Variants in CCDC63 observed in about 807,000 individuals in gnomAD.
The protein encoded by CCDC63 is coiled-coil domain containing 63, also known as coiled-coil domain-containing protein 63.
Under a neutral mutation model 63.6 loss-of-function variants are expected in CCDC63, and 54 were observed. The observed-to-expected ratio is 0.85, with a 90% CI of 0.68 to 1.07. The LOEUF (loss-of-function observed/expected upper bound fraction) is 1.07, where lower values mean the gene tolerates loss of function less well. Ranked by LOEUF, CCDC63 falls within the 50% of genes least tolerant of loss-of-function variation. The pLI is 0.00. For synonymous variants in CCDC63, 253 were observed against 266.1 expected (o/e 0.95, Z 0.48); for missense variants, 637 against 689.6 (o/e 0.92, Z 0.86).
intron 4 of CCDC63, among the ~76,000 whole-genome samples, chr12:110,870,264 T>C (rs2071047455): frequency 6.6e-6 from 1 of 152,156 alleles, no homozygotes; most frequent in Non-Finnish European, 1.5e-5. Flanking sequence ...GTATTTCTAG[T>C]AGAGACGGGG....
chr12:110,850,519 A>C (rs1473261877), intron 1 of CCDC63, among the ~76,000 whole-genome samples: 1 of 152,226 alleles, frequency 6.6e-6, no homozygotes, highest in East Asian at 1.9e-4. Context: ...AGGTGGGCGG[A>C]TCACCTGAGG....
rs980177263 is a variant in CCDC63 at position 110,907,356 on chromosome 12, C to A, written c.1572C>A (p.Ser524Arg). 2.5e-6 allele frequency: 4 copies of A among 1,613,966 alleles called. No individual in the cohort carries two copies. The highest frequency in any genetic ancestry group is 2.2e-5 in the East Asian group (1 of 44,880). Residue 524 changes from serine (S) to arginine (R), a missense_variant, in exon 12 of 12, where the codon AGC becomes AGA. Ser to Arg is a moderately radical substitution (Grantham distance 110, BLOSUM62 -1). Transcript: ENST00000308208. This position sits in a 1 kb window ranked among gnomAD's most constrained non-coding sequence, Gnocchi z 4.4. ...DDVEQPLDHS[S>R]LRQLVLDNYI... ...TGGAACAGCCCCTGGACCACAGCAG[C>A]CTTCGGCAGCTGGTTCTCGACAATT...
At chr12:110,849,361 C>T (rs972523221) in intron 1 of CCDC63, among the ~76,000 whole-genome samples, 4 of 152,184 alleles carry the variant, frequency 2.6e-5, no homozygotes, top group Non-Finnish European at 5.9e-5. Flanking sequence ...TCCTGTCTTT[C>T]CTCTTTGCTG....
intron 10 of CCDC63, among the ~76,000 whole-genome samples, chr12:110,901,925 G>A (rs1275248001): frequency 2.0e-5 from 3 of 152,004 alleles, no homozygotes; most frequent in Non-Finnish European, 2.9e-5. Context: ...CTGCCTCCTG[G>A]GTTCAAGTTA....
At chr12:110,881,548 C>G (rs2071209593) in intron 7 of CCDC63, among the ~76,000 whole-genome samples, 1 of 151,986 alleles carries the variant, frequency 6.6e-6, no homozygotes, top group Non-Finnish European at 1.5e-5. Flanking sequence ...GGTGAAACCC[C>G]GTCTCTACTA....
chr12:110,848,415 G>C (rs1214199846), intron 1 of CCDC63, among the ~76,000 whole-genome samples: 2 of 152,154 alleles, frequency 1.3e-5, no homozygotes, highest in Non-Finnish European at 2.9e-5. Context: ...GAATGTAGGA[G>C]CCCATCCCAG....
chr12:110,851,980 G>T (rs2070710409), intron 1 of CCDC63, among the ~76,000 whole-genome samples: 1 of 152,164 alleles, frequency 6.6e-6, no homozygotes, highest in African/African-American at 2.4e-5. Flanking sequence ...TGCATTGCAG[G>T]ACCCTCAATG....
chr12:110,884,237 C>A lies in CCDC63; in HGVS notation c.1061C>A (p.Thr354Asn). The A allele has an allele frequency of 1.9e-6, 3 of 1,613,972 alleles. No homozygotes were observed. Among genetic ancestry groups the A allele is most frequent in the Non-Finnish European group, 2.5e-6 (3 of 1,179,916 alleles). The stretch of plus-strand genomic sequence containing the variant: ...GACATGGAGATGATGCACAAGAGGA[C>A]CCAACGAATCCAGGTCAGGGCGGCT... Reference protein sequence around the residue: ...NNDMEMMHKRTQRIQDEIILL... With the variant: ...NNDMEMMHKRNQRIQDEIILL... The change falls in exon 8 of 12, where the codon ACC becomes AAC. Residue 354 changes from threonine (T) to asparagine (N), a missense_variant. Physicochemically the swap from Thr to Asn is moderately conservative, Grantham distance 65. Coordinates refer to ENST00000308208, the MANE Select transcript of CCDC63 (RefSeq NM_152591.3).
chr12:110,846,861 T>G (rs755670973), upstream of CCDC63: 1 of 152,406 alleles, frequency 6.6e-6, no homozygotes, highest in Non-Finnish European at 1.5e-5. Context: ...CAGCTGCTCT[T>G]GTCCTCTCCT....
Position 110,853,512 on chromosome 12 carries a change from GA to G in CCDC63, c.119del (p.Lys40ArgfsTer27). 6.2e-7 allele frequency: 1 copy of G among 1,614,222 alleles called. No individual in the cohort carries two copies. Among genetic ancestry groups the G allele is most frequent in the Non-Finnish European group, 8.5e-7 (1 of 1,180,038 alleles). The part of the protein sequence containing the change: ...ELRKLRQQFR[K>X]MVESRKSFKF... ...TCCGGAAGCTAAGGCAGCAGTTCAG[GA>G]AGATGGTGGAAAGCCGGAAGTCTTT... On this transcript the variant is annotated frameshift_variant, in exon 3 of 12. Transcript: ENST00000308208. LOFTEE classifies it high-confidence loss of function.
chr12:110,901,766 C>CTTTT, intron 10 of CCDC63, among the ~76,000 whole-genome samples: 1 of 152,190 alleles, frequency 6.6e-6, no homozygotes, highest in East Asian at 1.9e-4. Context: ...GGATCTCATT[C>CTTTT]TTTTTTTGTA....
chr12:110,871,008 A>C (rs2071058474), intron 4 of CCDC63, among the ~76,000 whole-genome samples: 1 of 152,110 alleles, frequency 6.6e-6, no homozygotes, highest in African/African-American at 2.4e-5. Context: ...AAGGACCTCG[A>C]CTTCTCTAAG....
chr12:110,863,839 C>A (rs1038263388), intron 4 of CCDC63, among the ~76,000 whole-genome samples: 10 of 152,218 alleles, frequency 6.6e-5, no homozygotes, highest in African/African-American at 2.4e-4. Flanking sequence ...CCATGTCCAA[C>A]CTCCAGGGAT....
chr12:110,867,165 GGGC>G, intron 4 of CCDC63, among the ~76,000 whole-genome samples: 1 of 142,242 alleles, frequency 7.0e-6, no homozygotes, highest in Non-Finnish European at 1.6e-5. Context: ...GCGGCTGGCC[GGGC>G]GGGGGGCTGA....
chr12:110,891,832 A>G (rs550608613), intron 8 of CCDC63, among the ~76,000 whole-genome samples: 3 of 152,220 alleles, frequency 2.0e-5, no homozygotes, highest in East Asian at 3.9e-4. Context: ...ATTGTCCCCA[A>G]CTGGGGGCCA....
intron 4 of CCDC63, 49 bp downstream of exon 4, chr12:110,858,824 G>A (rs1183268548): frequency 2.6e-5 from 40 of 1,543,712 alleles, no homozygotes; most frequent in Non-Finnish European, 3.5e-5. Context: ...GCAAAGGGGA[G>A]GAGTTGGGGT....
intron 9 of CCDC63, among the ~76,000 whole-genome samples, chr12:110,894,013 T>C: frequency 7.0e-6 from 1 of 142,882 alleles, no homozygotes; most frequent in Admixed American, 7.0e-5. Flanking sequence ...AAAAAGGAAA[T>C]AAGTCTGGAA....
At chr12:110,878,114 T>C (rs1330852090) in intron 5 of CCDC63, among the ~76,000 whole-genome samples, 1 of 152,246 alleles carries the variant, frequency 6.6e-6, no homozygotes, top group Non-Finnish European at 1.5e-5. Flanking sequence ...TTCATCCATG[T>C]TGTGGCAAAT....
At position 110,893,601 on chromosome 12, in the gene CCDC63, T is replaced by A. The variant is rs144084535; in HGVS notation, c.1149+451T>A. ...CGGGCTAAGAGCTTGGCTTGCACTT[T>A]CATTGAATCCTGGTGGCAGGTGCTG... On this transcript the variant is annotated intron_variant, in intron 9 of 11. Coordinates refer to ENST00000308208, the MANE Select transcript of CCDC63 (RefSeq NM_152591.3). Among the ~76,000 whole-genome samples the A allele has an allele frequency of 2.6e-3, 396 of 152,314 alleles. 1 individual carries two copies. Among genetic ancestry groups the A allele is most frequent in the Non-Finnish European group, 4.5e-3 (303 of 68,036 alleles).
Sources: gnomAD v4.1 joint callset for allele counts (sites outside exome capture counted in the v4.1 genomes callset) on GRCh38, gnomAD v4.1.1 for gene constraint, Gnocchi (gnomAD v3.1) non-coding constraint, MANE v1.5 for transcripts, NCBI Gene and HGNC (gene_info 2026-07-23, HGNC 2026-07-21) for gene names.